Variants in ROCK2 observed in about 807,000 individuals in gnomAD.
The protein encoded by ROCK2 is Rho associated coiled-coil containing protein kinase 2.
Under a neutral mutation model 195.1 loss-of-function variants are expected in ROCK2, and 61 were observed. The ratio of observed to expected loss-of-function variants is 0.31; its 90% CI spans 0.25 to 0.39. ROCK2 has a LOEUF of 0.39. ROCK2 is among the 10% of genes least tolerant of loss of function. The pLI, the probability that ROCK2 is intolerant of heterozygous loss-of-function variation, is 1.00. For synonymous variants in ROCK2, 504 were observed against 545.5 expected (o/e 0.92, Z 1.06); for missense variants, 1,109 against 1,637.4 (o/e 0.68, Z 5.57).
At chr2:11,299,101 T>C (rs1667627797) in intron 1 of ROCK2, among the ~76,000 whole-genome samples, 2 of 150,768 alleles carry the variant, frequency 1.3e-5, no homozygotes, top group Non-Finnish European at 3.0e-5. Context: ...ACTCTGTCTC[T>C]ACTAAAAAAA....
intron 1 of ROCK2, among the ~76,000 whole-genome samples, chr2:11,312,525 T>C (rs1324573742): frequency 6.6e-6 from 1 of 152,160 alleles, no homozygotes; most frequent in African/African-American, 2.4e-5. Flanking sequence ...ATATAATTAA[T>C]GTAAATGAAA....
rs1290587167 is a variant in ROCK2, at chr2:11,235,966, G to C, written c.463-4C>G. The C allele has an allele frequency of 3.6e-6, 5 of 1,396,088 alleles. No homozygotes were observed. Among genetic ancestry groups the C allele is most frequent in the African/African-American group, 2.9e-5 (2 of 68,200 alleles). 86.5% of individuals were successfully genotyped at this position (1,396,088 alleles called of 1,614,324 possible). ...CATCTTGAAAGGCATAAAAAAGCTG[G>C]AAAACAAAAGGAAAAGGAAAAATTT... On this transcript the variant is annotated splice_polypyrimidine_tract_variant and splice_region_variant and intron_variant, in intron 4 of 32. Transcript: ENST00000315872. This position sits in a 1 kb window ranked among gnomAD's most constrained non-coding sequence, Gnocchi z 4.2.
chr2:11,233,920 C>T (rs1665112776), intron 5 of ROCK2: 1 of 152,042 alleles, frequency 6.6e-6, no homozygotes, highest in Non-Finnish European at 1.5e-5. Flanking sequence ...CTACTCATGA[C>T]AATAAACTAT....
At chr2:11,281,966 A>G (rs1333241694) in intron 3 of ROCK2, among the ~76,000 whole-genome samples, 1 of 151,908 alleles carries the variant, frequency 6.6e-6, no homozygotes, top group African/African-American at 2.4e-5. Context: ...ATCCAATCAC[A>G]AAAAAAACCC....
chr2:11,304,779 T>C (rs1190571847), intron 1 of ROCK2, among the ~76,000 whole-genome samples: 1 of 152,084 alleles, frequency 6.6e-6, no homozygotes, highest in East Asian at 1.9e-4. Flanking sequence ...CTTCTAAACG[T>C]TTCGAAATCA....
At chr2:11,225,941 C>A (rs1324132118) in intron 6 of ROCK2, among the ~76,000 whole-genome samples, 2 of 152,064 alleles carry the variant, frequency 1.3e-5, no homozygotes, top group Non-Finnish European at 2.9e-5. Flanking sequence ...CAATTTATGC[C>A]ACAAAAAAGT....
chr2:11,195,193 A>C (rs1415368210), intron 27 of ROCK2, 168 bp from the exon 28 acceptor site: 1 of 382,040 alleles, frequency 2.6e-6, no homozygotes, highest in African/African-American at 2.1e-5. Context: ...CAGTAGTAAA[A>C]AGTTATGCAA....
chr2:11,269,375 G>A lies in ROCK2; in HGVS notation c.324+17164C>T, dbSNP rs114890360. On this transcript the variant is annotated intron_variant, in intron 3 of 32. Transcript: ENST00000315872. ...AAAAACACAAAAACTAGCCAGGTGTGGTGACAGGCGCCTGTAATACTAGCT... is the reference window on the plus strand; with the variant it reads ...AAAAACACAAAAACTAGCCAGGTGTAGTGACAGGCGCCTGTAATACTAGCT... Among the ~76,000 whole-genome samples, 117 of 152,168 alleles carry A rather than the reference G, an allele frequency of 7.7e-4. 1 individual carries two copies. Among genetic ancestry groups the A allele is most frequent in the African/African-American group, 2.7e-3 (111 of 41,520 alleles).
rs547305581 is a variant in ROCK2, at chr2:11,258,952, A to G, written c.325-9154T>C. Among the ~76,000 whole-genome samples the G allele has an allele frequency of 1.1e-4, 17 of 151,368 alleles. No homozygotes were observed. The South Asian group carries it at 2.9e-3, about 26-fold the overall frequency. ...GAGTTGGATTACTGAAGAAGTATGA[A>G]GAGTCAAATATAGGAAAGGCAAGGG... On this transcript the variant is annotated intron_variant, in intron 3 of 32. Coordinates refer to ENST00000315872, the MANE Select transcript of ROCK2 (RefSeq NM_004850.5).
chr2:11,202,479 G>GATA (rs200175353), intron 20 of ROCK2, among the ~76,000 whole-genome samples: 2 of 150,214 alleles, frequency 1.3e-5, no homozygotes, highest in African/African-American at 2.4e-5. Context: ...AACCCTTGAT[G>GATA]ATAATAATAA....
At chr2:11,217,046 A>C in intron 12 of ROCK2, 44 bp downstream of exon 12, 1 of 1,033,652 alleles carries the variant, frequency 9.7e-7, no homozygotes, top group South Asian at 1.4e-5. Flanking sequence ...AAATGTTTAA[A>C]CTTAAATTTT....
intron 18 of ROCK2, among the ~76,000 whole-genome samples, chr2:11,210,352 C>A (rs1161141521): frequency 6.7e-6 from 1 of 149,878 alleles, no homozygotes; most frequent in African/African-American, 2.5e-5. Context: ...TGGGGTCTTG[C>A]TCTGCTACTG....
chr2:11,203,472 C>CTT (rs146026436), intron 20 of ROCK2, among the ~76,000 whole-genome samples: 1 of 149,054 alleles, frequency 6.7e-6, no homozygotes, highest in Non-Finnish European at 1.5e-5. Context: ...TTACGTACTG[C>CTT]TTTTTTTTTT....
In ROCK2 at chr2:11,342,296, A is replaced by G. The variant is rs1295817786; in HGVS notation, c.141+1700T>C. On this transcript the variant is annotated intron_variant, in intron 1 of 32. Transcript: ENST00000315872. ...TTAATAAAAGTGTGTTTTGGCTGTAATAACTGCTAAATGAATGAACTGTGT... is the reference window on the plus strand; with the variant it reads ...TTAATAAAAGTGTGTTTTGGCTGTAGTAACTGCTAAATGAATGAACTGTGT... 2.6e-5 allele frequency among the ~76,000 whole-genome samples: 4 copies of G among 152,320 alleles called. No individual in the cohort carries two copies. In the East Asian group the frequency reaches 7.7e-4, roughly 29 times the overall value.
At chr2:11,329,989 A>AT (rs1308655246) in intron 1 of ROCK2, among the ~76,000 whole-genome samples, 2 of 152,148 alleles carry the variant, frequency 1.3e-5, no homozygotes, top group African/African-American at 2.4e-5. Flanking sequence ...AATTAATTGC[A>AT]TTTTTTTCAA....
chr2:11,290,390 G>T (rs906644170), intron 1 of ROCK2, among the ~76,000 whole-genome samples: 2 of 152,036 alleles, frequency 1.3e-5, no homozygotes, highest in Admixed American at 1.3e-4. Flanking sequence ...CTTGAGCCCA[G>T]GAGTTCAAGA....
chr2:11,257,543 G>A lies in ROCK2; in HGVS notation c.325-7745C>T, dbSNP rs756802153. Among the ~76,000 whole-genome samples the A allele has an allele frequency of 1.1e-4, 16 of 151,526 alleles. 1 individual carries two copies. Among genetic ancestry groups the A allele is most frequent in the African/African-American group, 3.2e-4 (13 of 40,826 alleles). ...GAGTAGCCTTGCTGTGAGTTTCTTC[G>A]AGTTGCTGCTGTTCTTTGGAAGAGG... On this transcript the variant is annotated intron_variant, in intron 3 of 32. Transcript: ENST00000315872.
At chr2:11,270,310 T>C (rs1032634757) in intron 3 of ROCK2, among the ~76,000 whole-genome samples, 7 of 152,284 alleles carry the variant, frequency 4.6e-5, no homozygotes, top group Non-Finnish European at 5.9e-5. Flanking sequence ...TGGTTTTCTA[T>C]AGTTTGAAAA....
At chr2:11,331,081 TAA>T (rs1668752893) in intron 1 of ROCK2, among the ~76,000 whole-genome samples, 1 of 150,686 alleles carries the variant, frequency 6.6e-6, no homozygotes, top group African/African-American at 2.5e-5. Flanking sequence ...TAATATTTTC[TAA>T]GTTTCCTTTG....
Sources: allele counts gnomAD v4.1 joint callset (sites outside exome capture counted in the v4.1 genomes callset), GRCh38; gene constraint gnomAD v4.1.1; non-coding constraint Gnocchi (gnomAD v3.1); transcripts MANE v1.5; gene names NCBI Gene and HGNC (gene_info 2026-07-23, HGNC 2026-07-21).